SFMBT2: variants seen among roughly 807,000 people sequenced by gnomAD.
The protein encoded by SFMBT2 is scm-like with four MBT domains protein 2.
In SFMBT2, 38 loss-of-function variants were observed where a neutral mutation model predicts 110.1. The observed-to-expected ratio is 0.35, with a 90% CI of 0.27 to 0.45. The LOEUF is 0.45. SFMBT2 is among the 20% of genes least tolerant of loss of function. The probability of loss-of-function intolerance (pLI) is 1.00; values close to 1 mark genes in which losing one functional copy is unlikely to be tolerated. For missense variants in SFMBT2, 1,011 were observed against 1,094.9 expected (o/e 0.92, Z 1.08); for synonymous variants, 425 against 425.4 (o/e 1.00, Z 0.01).
intron 9 of SFMBT2, among the ~76,000 whole-genome samples, chr10:7,239,182 C>T (rs1460735344): frequency 6.6e-6 from 1 of 152,196 alleles, no homozygotes; most frequent in Non-Finnish European, 1.5e-5. Context: ...GCTTCCCAAC[C>T]TCTTTTTGAA....
intron 20 of SFMBT2, among the ~76,000 whole-genome samples, chr10:7,166,607 G>C (rs1045448552): frequency 1.4e-4 from 22 of 152,204 alleles, no homozygotes; most frequent in African/African-American, 5.3e-4. Flanking sequence ...CTGGAGGGTG[G>C]CAGACAAGTA....
chr10:7,215,604 G>C, intron 11 of SFMBT2: 2 of 985,386 alleles, frequency 2.0e-6, no homozygotes, highest in Non-Finnish European at 2.4e-6. Context: ...CAGAACCTGG[G>C]TTCACCTGCA....
chr10:7,256,001 T>G (rs943130106), intron 7 of SFMBT2, among the ~76,000 whole-genome samples: 1 of 152,212 alleles, frequency 6.6e-6, no homozygotes, highest in African/African-American at 2.4e-5. Flanking sequence ...TAAGAGATGC[T>G]CAGGCTGTAA....
chr10:7,218,945 C>G (rs1477037345), intron 11 of SFMBT2, among the ~76,000 whole-genome samples: 1 of 152,210 alleles, frequency 6.6e-6, no homozygotes, highest in Non-Finnish European at 1.5e-5. Context: ...ATAAAGCATG[C>G]TGAAAGTAGA....
intron 4 of SFMBT2, among the ~76,000 whole-genome samples, chr10:7,343,155 G>A (rs1419979822): frequency 6.6e-6 from 1 of 151,562 alleles, no homozygotes; most frequent in South Asian, 2.1e-4. Context: ...TTCTGTTCCT[G>A]CATTAGTTTG....
chr10:7,302,954 C>A (rs962256481), intron 4 of SFMBT2, among the ~76,000 whole-genome samples: 4 of 151,306 alleles, frequency 2.6e-5, no homozygotes, highest in African/African-American at 9.7e-5. Context: ...ATAGACAAAT[C>A]AAAAACACTA....
intron 15 of SFMBT2, among the ~76,000 whole-genome samples, chr10:7,196,103 G>A (rs1424768418): frequency 3.9e-5 from 6 of 152,028 alleles, no homozygotes; most frequent in African/African-American, 9.7e-5. Flanking sequence ...AAATCACACC[G>A]AGGCTCTCGT....
At chr10:7,230,130 C>A (rs1487864140) in intron 9 of SFMBT2, among the ~76,000 whole-genome samples, 1 of 152,096 alleles carries the variant, frequency 6.6e-6, no homozygotes, top group Non-Finnish European at 1.5e-5. Context: ...TGCTGACCAT[C>A]AGTGGCAGGT....
chr10:7,354,325 T>A (rs927010256), intron 4 of SFMBT2, among the ~76,000 whole-genome samples: 1 of 152,164 alleles, frequency 6.6e-6, no homozygotes, highest in Non-Finnish European at 1.5e-5. Flanking sequence ...AAAATTGTCA[T>A]TAGTCTTGAT....
chr10:7,323,937 A>C (rs1320958721), intron 4 of SFMBT2, among the ~76,000 whole-genome samples: 1 of 152,248 alleles, frequency 6.6e-6, no homozygotes, highest in Middle Eastern at 3.2e-3. Flanking sequence ...CTCAAGTTAC[A>C]ACCATCATAA....
chr10:7,276,825 C>T (rs747704011), intron 7 of SFMBT2, 67 bp downstream of exon 7: 60 of 805,116 alleles, frequency 7.5e-5, no homozygotes, highest in Non-Finnish European at 1.1e-4. Context: ...TGCGCCCGGC[C>T]GGAAAACTTT....
chr10:7,381,727 T>TGC, intron 2 of SFMBT2, 72 bp downstream of exon 2: 1 of 1,509,346 alleles, frequency 6.6e-7, no homozygotes, highest in Non-Finnish European at 9.1e-7. Flanking sequence ...CCCCATTGTT[T>TGC]CCTGAATACT....
intron 1 of SFMBT2, among the ~76,000 whole-genome samples, chr10:7,382,507 A>G (rs1353570774): frequency 6.6e-6 from 1 of 152,226 alleles, no homozygotes; most frequent in African/African-American, 2.4e-5. Flanking sequence ...TCCGTGTTCT[A>G]GAGGTCATTA....
intron 7 of SFMBT2, among the ~76,000 whole-genome samples, chr10:7,269,276 A>G (rs558090552): frequency 6.8e-4 from 104 of 152,306 alleles, no homozygotes; most frequent in African/African-American, 2.5e-3. Context: ...AATAATAATC[A>G]TGAGCTTGTT....
intron 4 of SFMBT2, among the ~76,000 whole-genome samples, chr10:7,349,407 C>G (rs964380426): frequency 7.4e-6 from 1 of 134,352 alleles, no homozygotes; most frequent in Non-Finnish European, 1.6e-5. Flanking sequence ...GATCCTCTCA[C>G]TTTCAAGCCC....
intron 1 of SFMBT2, among the ~76,000 whole-genome samples, chr10:7,401,278 G>A (rs1454147760): frequency 6.6e-6 from 1 of 152,200 alleles, no homozygotes; most frequent in African/African-American, 2.4e-5. Flanking sequence ...GGCTGCAAGT[G>A]AGATGAGGAA....
Position 7,171,097 on chromosome 10 carries a change from C to G in SFMBT2, c.2416-41G>C, listed in dbSNP as rs757027886. 1.9e-6 allele frequency: 3 copies of G among 1,613,136 alleles called. No homozygotes were observed. The South Asian group carries it at 3.3e-5, about 18-fold the overall frequency. On this transcript the variant is annotated intron_variant, in intron 19 of 20. Transcript: ENST00000397167. This position sits in a 1 kb window ranked among gnomAD's most constrained non-coding sequence, Gnocchi z 4.9. ...AGGAGGAGCTCAGCTGCGGCACAGTCAGCTGGCTGGGTCCTCTCCAGCACT... is the reference window on the plus strand; with the variant it reads ...AGGAGGAGCTCAGCTGCGGCACAGTGAGCTGGCTGGGTCCTCTCCAGCACT...
intron 4 of SFMBT2, among the ~76,000 whole-genome samples, chr10:7,312,397 A>G (rs755438224): frequency 5.9e-5 from 9 of 152,292 alleles, no homozygotes; most frequent in Middle Eastern, 3.4e-3. Flanking sequence ...ACCATTATCC[A>G]CATCTTCACA....
intron 10 of SFMBT2, among the ~76,000 whole-genome samples, chr10:7,223,105 A>G (rs1456274012): frequency 6.6e-6 from 1 of 152,190 alleles, no homozygotes; most frequent in Non-Finnish European, 1.5e-5. Context: ...TATGAATTTG[A>G]GGGAGGCACA....
Sources: gnomAD v4.1 joint callset for allele counts (sites outside exome capture counted in the v4.1 genomes callset) on GRCh38, gnomAD v4.1.1 for gene constraint, Gnocchi (gnomAD v3.1) non-coding constraint, MANE v1.5 for transcripts, NCBI Gene and HGNC (gene_info 2026-07-23, HGNC 2026-07-21) for gene names.